HIPK2: variants seen among roughly 807,000 people sequenced by gnomAD.
The protein encoded by HIPK2 is homeodomain-interacting protein kinase 2.
A neutral mutation model predicts 113.7 loss-of-function variants in HIPK2; 27 were observed. The observed-to-expected ratio is 0.24, with a 90% confidence interval of 0.17 to 0.33. The LOEUF (loss-of-function observed/expected upper bound fraction) is 0.33, where lower values mean the gene tolerates loss of function less well. HIPK2 is among the 10% of genes least tolerant of loss of function. The pLI is 1.00. For synonymous variants in HIPK2, 631 were observed against 642.2 expected (o/e 0.98, Z 0.26); for missense variants, 1,257 against 1,588.0 (o/e 0.79, Z 3.54).
At chr7:139,747,484 C>T (rs1004771373) in intron 1 of HIPK2, among the ~76,000 whole-genome samples, 1 of 152,210 alleles carries the variant, frequency 6.6e-6, no homozygotes, top group South Asian at 2.1e-4. Flanking sequence ...GGCTTTTCTT[C>T]AAGTATCTTA....
At chr7:139,765,671 T>A (rs1312944821) in intron 1 of HIPK2, among the ~76,000 whole-genome samples, 1 of 152,238 alleles carries the variant, frequency 6.6e-6, no homozygotes, top group Non-Finnish European at 1.5e-5. Context: ...TGATACCCAC[T>A]GAGATTTTTC....
chr7:139,721,242 T>TAA (rs942670559), intron 1 of HIPK2, among the ~76,000 whole-genome samples: 1 of 152,248 alleles, frequency 6.6e-6, no homozygotes, highest in African/African-American at 2.4e-5. Flanking sequence ...AAGATATAGT[T>TAA]AAAGTCTTTA....
chr7:139,647,588 A>G (rs1041206046), intron 2 of HIPK2, among the ~76,000 whole-genome samples: 1 of 152,220 alleles, frequency 6.6e-6, no homozygotes, highest in South Asian at 2.1e-4. Flanking sequence ...TCTATCTATC[A>G]TCTATCTATA....
intron 2 of HIPK2, among the ~76,000 whole-genome samples, chr7:139,711,061 G>T (rs1795051570): frequency 6.6e-6 from 1 of 151,126 alleles, no homozygotes; most frequent in Non-Finnish European, 1.5e-5. Context: ...TGCAAGAATG[G>T]AATAATACAC....
intron 8 of HIPK2, among the ~76,000 whole-genome samples, chr7:139,614,034 C>G (rs1194817892): frequency 6.6e-6 from 1 of 152,162 alleles, no homozygotes; most frequent in East Asian, 1.9e-4. Flanking sequence ...AGACAGCTGG[C>G]CAGGGACACA....
rs1182844227 is a variant in HIPK2 at position 139,613,214 on chromosome 7, A to T, written c.2100T>A (p.Gly700=). Reference sequence around the variant, plus strand: ...GAGAAAGAATTACCTGGGCAAGCAGACCTGGTTGGATCTGAAGAGGCTGAG... The same window carrying T: ...GAGAAAGAATTACCTGGGCAAGCAGTCCTGGTTGGATCTGAAGAGGCTGAG... ...PGAQPLQIQP[G]LLAQQAWPSG... is the part of the protein sequence containing the mutation. Residue 700 remains glycine, a synonymous_variant, in exon 9 of 15, where the codon GGT becomes GGA. Coordinates refer to ENST00000406875, the MANE Select transcript of HIPK2 (RefSeq NM_022740.5). This position sits in a 1 kb window ranked among gnomAD's most constrained non-coding sequence, Gnocchi z 4.2. The T allele has an allele frequency of 6.2e-7, 1 of 1,613,860 alleles. No homozygotes were observed. Among genetic ancestry groups the T allele is most frequent in the Non-Finnish European group, 8.5e-7 (1 of 1,179,846 alleles).
In HIPK2 at chr7:139,630,473, C is replaced by A. The variant is rs1800570400; in HGVS notation, c.1347+692G>T. Among the ~76,000 whole-genome samples the A allele has an allele frequency of 6.6e-6, 1 of 152,250 alleles. No individual in the cohort carries two copies. The highest frequency in any genetic ancestry group is 1.5e-5 in the Non-Finnish European group (1 of 68,052). On this transcript the variant is annotated intron_variant, in intron 4 of 14. Coordinates refer to ENST00000406875, the MANE Select transcript of HIPK2 (RefSeq NM_022740.5). This position sits in a 1 kb window ranked among gnomAD's most constrained non-coding sequence, Gnocchi z 4.0. ...AGTGCAGTGGCACAATCTCAGCTCA[C>A]TGCAACCTCCGCCTCCCAGGTGCAA...
At chr7:139,583,112 G>C (rs943126011) in intron 13 of HIPK2, among the ~76,000 whole-genome samples, 1 of 152,242 alleles carries the variant, frequency 6.6e-6, no homozygotes, top group Non-Finnish European at 1.5e-5. Context: ...ATAGCGGGAC[G>C]CGCAGACTTC....
At chr7:139,676,600 G>A (rs892302394) in intron 2 of HIPK2, among the ~76,000 whole-genome samples, 11 of 152,102 alleles carry the variant, frequency 7.2e-5, no homozygotes, top group Non-Finnish European at 1.6e-4. Flanking sequence ...AAACAGATCT[G>A]TTTATTTGGT....
rs1326275836 is a variant in HIPK2 at position 139,717,023 on chromosome 7, G to A, written c.20-8C>T. ...GCACATGTGAGGCCATACCTACAAG[G>A]AAAGGAAAACGAAAAGTAAGTATCG... On this transcript the variant is annotated splice_polypyrimidine_tract_variant and splice_region_variant and intron_variant, in intron 1 of 14. Coordinates refer to ENST00000406875, the MANE Select transcript of HIPK2 (RefSeq NM_022740.5). The A allele has an allele frequency of 6.2e-7, 1 of 1,600,826 alleles. No individual in the cohort carries two copies. Among genetic ancestry groups the A allele is most frequent in the South Asian group, 1.1e-5 (1 of 90,356 alleles).
intron 2 of HIPK2, among the ~76,000 whole-genome samples, chr7:139,706,999 C>A (rs547390934): frequency 6.6e-6 from 1 of 152,190 alleles, no homozygotes; most frequent in Admixed American, 6.5e-5. Flanking sequence ...CCAAGCAAAG[C>A]CACAGGGGAG....
At chr7:139,659,027 A>G (rs1361787517) in intron 2 of HIPK2, among the ~76,000 whole-genome samples, 1 of 152,094 alleles carries the variant, frequency 6.6e-6, no homozygotes, top group Non-Finnish European at 1.5e-5. Flanking sequence ...AAGGCTAAAC[A>G]CTGACTGATG....
At chr7:139,636,792 C>T (rs781559871) in intron 2 of HIPK2, among the ~76,000 whole-genome samples, 4 of 152,194 alleles carry the variant, frequency 2.6e-5, no homozygotes, top group Admixed American at 6.5e-5. Context: ...ATCTTACTCG[C>T]TCCATAGGTT....
rs566407158 is a variant in HIPK2 at position 139,705,407 on chromosome 7, C to T, written c.1103+10525G>A. Among the ~76,000 whole-genome samples, 13 of 151,858 alleles carry T rather than the reference C, an allele frequency of 8.6e-5. No homozygotes were observed. In the East Asian group the frequency reaches 1.9e-3, roughly 23 times the overall value. On this transcript the variant is annotated intron_variant, in intron 2 of 14. Transcript: ENST00000406875. ...CTTTTTTTTTTTTGAGACGGAGTCT[C>T]GCTATGTCGCCCAGGCTGGAGTGCA...
chr7:139,576,116 C>T (rs1569442202), intron 13 of HIPK2, among the ~76,000 whole-genome samples: 1 of 152,234 alleles, frequency 6.6e-6, no homozygotes, highest in Non-Finnish European at 1.5e-5. Flanking sequence ...ACCTAATAAA[C>T]TACTAGAAGC....
intron 1 of HIPK2, among the ~76,000 whole-genome samples, chr7:139,771,896 G>GT (rs1340300180): frequency 6.6e-6 from 1 of 152,184 alleles, no homozygotes; most frequent in East Asian, 1.9e-4. Flanking sequence ...AAGAAAACAA[G>GT]TTTGAATGAC....
intron 13 of HIPK2, among the ~76,000 whole-genome samples, chr7:139,580,491 G>A (rs1798632289): frequency 1.3e-5 from 2 of 152,318 alleles, no homozygotes; most frequent in South Asian, 2.1e-4. Context: ...GGCTAATGCT[G>A]GTCAACCTCC....
chr7:139,668,856 A>T (rs953557576), intron 2 of HIPK2, among the ~76,000 whole-genome samples: 12 of 152,366 alleles, frequency 7.9e-5, no homozygotes, highest in African/African-American at 2.9e-4. Flanking sequence ...AAAATGGTGA[A>T]GTAAAAGAAG....
At chr7:139,705,504 G>A (rs892249513) in intron 2 of HIPK2, among the ~76,000 whole-genome samples, 4 of 152,090 alleles carry the variant, frequency 2.6e-5, no homozygotes, top group African/African-American at 9.7e-5. Context: ...AGCCTCCTGA[G>A]TAGCTGGGAC....
Sources: allele counts gnomAD v4.1 joint callset (sites outside exome capture counted in the v4.1 genomes callset), GRCh38; gene constraint gnomAD v4.1.1; non-coding constraint Gnocchi (gnomAD v3.1); transcripts MANE v1.5; gene names NCBI Gene and HGNC (gene_info 2026-07-23, HGNC 2026-07-21).